Variants in BRINP3 observed in about 807,000 individuals in gnomAD.
BRINP3 encodes BMP/retinoic acid inducible neural specific 3.
BRINP3 carries 19 observed loss-of-function variants against 71.0 expected under a neutral mutation model. The observed-to-expected ratio is 0.27, with a 90% CI of 0.19 to 0.39. The LOEUF is 0.39. Ranked by LOEUF, BRINP3 falls within the 10% of genes least tolerant of loss-of-function variation. The pLI, the probability that BRINP3 is intolerant of heterozygous loss-of-function variation, is 1.00. For missense variants in BRINP3, 959 were observed against 940.8 expected (o/e 1.02, Z -0.25); for synonymous variants, 380 against 337.7 (o/e 1.13, Z -1.37).
chr1:190,124,164 T>G (rs1653902497), intron 7 of BRINP3, among the ~76,000 whole-genome samples: 1 of 152,158 alleles, frequency 6.6e-6, no homozygotes, highest in African/African-American at 2.4e-5. Context: ...ATTAATACAG[T>G]CATCACAGGA....
At chr1:190,435,636 A>G (rs1373402228) in intron 2 of BRINP3, among the ~76,000 whole-genome samples, 5 of 152,046 alleles carry the variant, frequency 3.3e-5, no homozygotes, top group Admixed American at 1.3e-4. Flanking sequence ...TTTTTAAATG[A>G]CATCTAATTC....
At chr1:190,237,089 T>A (rs533495942) in intron 4 of BRINP3, among the ~76,000 whole-genome samples, 2 of 151,940 alleles carry the variant, frequency 1.3e-5, no homozygotes, top group Non-Finnish European at 2.9e-5. Context: ...GAAAATTAAA[T>A]AATAGACATA....
chr1:190,464,758 T>A (rs935559168), intron 1 of BRINP3, among the ~76,000 whole-genome samples: 1 of 151,984 alleles, frequency 6.6e-6, no homozygotes, highest in African/African-American at 2.4e-5. Flanking sequence ...TTGTCTTCAA[T>A]CATATTATAC....
chr1:190,152,164 A>G (rs1007558245), intron 7 of BRINP3, among the ~76,000 whole-genome samples: 6 of 152,204 alleles, frequency 3.9e-5, no homozygotes, highest in Admixed American at 3.3e-4. Flanking sequence ...TCTTAGATAA[A>G]TTTATTATTT....
At chr1:190,376,792 T>C (rs76560320) in intron 2 of BRINP3, among the ~76,000 whole-genome samples, 2,035 of 152,178 alleles carry the variant, frequency 0.013, 50 homozygotes, top group African/African-American at 0.045. Context: ...GATATATGTG[T>C]GTTGCTACAT....
chr1:190,417,210 GA>G (rs531970571), intron 2 of BRINP3, among the ~76,000 whole-genome samples: 12 of 148,308 alleles, frequency 8.1e-5, no homozygotes, highest in South Asian at 2.1e-4. Flanking sequence ...TGATTTTTGA[GA>G]AAAAAAATAT....
chr1:190,423,492 T>G (rs959966691), intron 2 of BRINP3, among the ~76,000 whole-genome samples: 4 of 151,786 alleles, frequency 2.6e-5, no homozygotes, highest in Non-Finnish European at 5.9e-5. Flanking sequence ...GAATTTTCCT[T>G]CCATAATACT....
chr1:190,100,038 G>T (rs1317011218), intron 7 of BRINP3, among the ~76,000 whole-genome samples: 1 of 152,108 alleles, frequency 6.6e-6, no homozygotes, highest in South Asian at 2.1e-4. Flanking sequence ...CATACTGCAT[G>T]TATGATCATG....
chr1:190,119,485 G>A (rs1248593901), intron 7 of BRINP3, among the ~76,000 whole-genome samples: 8 of 151,808 alleles, frequency 5.3e-5, no homozygotes, highest in Non-Finnish European at 1.2e-4. Flanking sequence ...CATTTTGGTC[G>A]GGGGGTCTTG....
At chr1:190,405,921 A>G (rs1672253555) in intron 2 of BRINP3, among the ~76,000 whole-genome samples, 1 of 152,232 alleles carries the variant, frequency 6.6e-6, no homozygotes, top group Admixed American at 6.5e-5. Flanking sequence ...ATGTTAACTG[A>G]GCAGAATGGT....
intron 4 of BRINP3, among the ~76,000 whole-genome samples, chr1:190,241,744 T>C (rs1270246213): frequency 6.6e-6 from 1 of 151,944 alleles, no homozygotes; most frequent in African/African-American, 2.4e-5. Context: ...CAAGTGTTGA[T>C]TAGTTTCTAT....
At chr1:190,284,466 G>C (rs1410166399) in intron 2 of BRINP3, among the ~76,000 whole-genome samples, 1 of 151,900 alleles carries the variant, frequency 6.6e-6, no homozygotes, top group African/African-American at 2.4e-5. Context: ...CCATTCAAAG[G>C]CTTTAGAGTA....
intron 2 of BRINP3, among the ~76,000 whole-genome samples, chr1:190,285,122 C>T (rs1037234194): frequency 6.6e-6 from 1 of 152,012 alleles, no homozygotes; most frequent in Admixed American, 6.6e-5. Flanking sequence ...TAAAGTTTTT[C>T]TGGAAACTGA....
intron 2 of BRINP3, among the ~76,000 whole-genome samples, chr1:190,327,044 G>A (rs1421208181): frequency 3.3e-5 from 5 of 151,088 alleles, no homozygotes; most frequent in Admixed American, 6.6e-5. Context: ...AGCCTGGCAC[G>A]GTGTCTCATG....
chr1:190,437,647 T>G (rs1033005777), intron 2 of BRINP3, among the ~76,000 whole-genome samples: 1 of 151,852 alleles, frequency 6.6e-6, no homozygotes, highest in Non-Finnish European at 1.5e-5. Flanking sequence ...ATCAACAGAT[T>G]GTCTTGATGT....
At chr1:190,330,455 G>T (rs1407629441) in intron 2 of BRINP3, among the ~76,000 whole-genome samples, 1 of 151,954 alleles carries the variant, frequency 6.6e-6, no homozygotes, top group Non-Finnish European at 1.5e-5. Flanking sequence ...CAGACATAAT[G>T]AGTTTTATTA....
intron 2 of BRINP3, among the ~76,000 whole-genome samples, chr1:190,422,982 T>C (rs1292122416): frequency 6.6e-6 from 1 of 151,738 alleles, no homozygotes; most frequent in African/African-American, 2.4e-5. Context: ...TCTCATCTGA[T>C]TTTTGAAGTA....
chr1:190,442,763 T>C (rs534028515), intron 2 of BRINP3, among the ~76,000 whole-genome samples: 1 of 151,018 alleles, frequency 6.6e-6, no homozygotes, highest in Non-Finnish European at 1.5e-5. Flanking sequence ...TCTTCAAATG[T>C]GTGTGGTTAC....
intron 5 of BRINP3, among the ~76,000 whole-genome samples, chr1:190,229,579 T>C (rs1347854149): frequency 7.3e-5 from 11 of 150,572 alleles, no homozygotes; most frequent in Admixed American, 1.3e-4. Flanking sequence ...ATGACAGAGA[T>C]AGTAACTTCC....
Sources: gnomAD v4.1 joint callset for allele counts (sites outside exome capture counted in the v4.1 genomes callset) on GRCh38, gnomAD v4.1.1 for gene constraint, MANE v1.5 for transcripts, NCBI Gene and HGNC (gene_info 2026-07-23, HGNC 2026-07-21) for gene names.